The following DYNC2I1 variants were observed in gnomAD, a reference collection of about 807,000 sequenced individuals.
The protein encoded by DYNC2I1 is dynein 2 intermediate chain 1.
Under a neutral mutation model 133.4 loss-of-function variants are expected in DYNC2I1, and 89 were observed. The ratio of observed to expected loss-of-function variants is 0.67; its 90% CI spans 0.56 to 0.80. The LOEUF is 0.80. Ranked by LOEUF, DYNC2I1 falls within the 30% of genes least tolerant of loss-of-function variation. The pLI is 0.00. For missense variants in DYNC2I1, 1,291 were observed against 1,314.5 expected (o/e 0.98, Z 0.28); for synonymous variants, 504 against 484.3 (o/e 1.04, Z -0.54).
In DYNC2I1 at chr7:158,889,873, T is replaced by TGGC. The variant is rs200250627; in HGVS notation, c.991-1391_991-1389dup. ...TACAAAAATTAGCCGGGTGTGGTGG[T>TGGC]GGCCTCCTGTAATCCCAAGCTACTT... On this transcript the variant is annotated intron_variant, in intron 7 of 24. Transcript: ENST00000407559. Among the ~76,000 whole-genome samples the TGGC allele has an allele frequency of 5.6e-3, 846 of 151,908 alleles. 8 individuals are homozygous for TGGC. The highest frequency in any genetic ancestry group is 0.019 in the African/African-American group (796 of 41,412).
At chr7:158,894,325 C>A (rs1224559428) in intron 8 of DYNC2I1, among the ~76,000 whole-genome samples, 2 of 152,124 alleles carry the variant, frequency 1.3e-5, no homozygotes, top group Admixed American at 1.3e-4. Context: ...AGGAAAAAAA[C>A]AAAATCCAAA....
At chr7:158,863,696 TGG>T (rs1842107595) in intron 1 of DYNC2I1, among the ~76,000 whole-genome samples, 1 of 25,478 alleles carries the variant, frequency 3.9e-5, no homozygotes, top group Non-Finnish European at 6.7e-5. Context: ...CCTTAGCTCC[TGG>T]TGTGTGTGGG....
chr7:158,903,794 G>C (rs1172816208), intron 10 of DYNC2I1: 1 of 152,154 alleles, frequency 6.6e-6, no homozygotes, highest in Non-Finnish European at 1.5e-5. Flanking sequence ...ACGCGAGCAG[G>C]ATTTTATTCT....
At chr7:158,855,491 G>GT (rs1318771388), upstream of DYNC2I1, among the ~76,000 whole-genome samples, 1 of 152,226 alleles carries the variant, frequency 6.6e-6, no homozygotes, top group Non-Finnish European at 1.5e-5. Flanking sequence ...CTCCTAAAAC[G>GT]TAATTTCTAA....
At chr7:158,855,905 A>G (rs1361115174), upstream of DYNC2I1, among the ~76,000 whole-genome samples, 1 of 150,998 alleles carries the variant, frequency 6.6e-6, no homozygotes, top group East Asian at 1.9e-4. Flanking sequence ...TAATTTGTTA[A>G]GTGCAAAGCC....
At chr7:158,941,583 G>A (rs557831439) in intron 23 of DYNC2I1, among the ~76,000 whole-genome samples, 2 of 152,028 alleles carry the variant, frequency 1.3e-5, no homozygotes, top group African/African-American at 2.4e-5. Flanking sequence ...ATCAAGTTAC[G>A]AAAAAAACAA....
chr7:158,952,163 G>A (rs1852073845), intron 4 of DYNC2I1, among the ~76,000 whole-genome samples: 2 of 152,108 alleles, frequency 1.3e-5, no homozygotes, highest in African/African-American at 4.8e-5. Flanking sequence ...AGGAGGGCGC[G>A]GTAAACACGC....
chr7:158,932,150 G>A (rs1850280370), intron 21 of DYNC2I1, among the ~76,000 whole-genome samples: 1 of 152,202 alleles, frequency 6.6e-6, no homozygotes, highest in African/African-American at 2.4e-5. Flanking sequence ...TTGCCTGCAG[G>A]GAAGCAGGTC....
At chr7:158,906,740 G>A (rs2129484067) in intron 11 of DYNC2I1, among the ~76,000 whole-genome samples, 1 of 152,320 alleles carries the variant, frequency 6.6e-6, no homozygotes, top group Admixed American at 6.5e-5. Flanking sequence ...TTACAGGCAT[G>A]AGCCAGCATG....
intron 4 of DYNC2I1, among the ~76,000 whole-genome samples, chr7:158,954,195 C>A (rs1478357128): frequency 6.6e-6 from 1 of 152,138 alleles, no homozygotes; most frequent in Non-Finnish European, 1.5e-5. Flanking sequence ...GTGAGGCCTC[C>A]CCAGCCATGT....
intron 23 of DYNC2I1, among the ~76,000 whole-genome samples, chr7:158,941,217 A>G (rs1466290578): frequency 1.3e-5 from 2 of 152,360 alleles, no homozygotes; most frequent in East Asian, 3.9e-4. Context: ...CAAATTGGAA[A>G]ACAAATTTGA....
chr7:158,941,295 T>A (rs948175780), intron 23 of DYNC2I1, among the ~76,000 whole-genome samples: 9 of 152,344 alleles, frequency 5.9e-5, no homozygotes, highest in African/African-American at 2.2e-4. Context: ...TGTAGTTTTT[T>A]AAAAGGTGCC....
At chr7:158,916,343 C>G (rs71546418) in intron 14 of DYNC2I1, among the ~76,000 whole-genome samples, 13 of 45,702 alleles carry the variant, frequency 2.8e-4, no homozygotes, top group South Asian at 2.1e-3. Context: ...CGCTGGTTGA[C>G]ATTAAGGATG....
chr7:158,947,411 T>C (rs1401932593), downstream of DYNC2I1, among the ~76,000 whole-genome samples: 2 of 152,234 alleles, frequency 1.3e-5, no homozygotes, highest in African/African-American at 2.4e-5. Flanking sequence ...TTAGAATGAA[T>C]ATTTGTCCCT....
At chr7:158,929,881 G>A (rs942954061) in intron 20 of DYNC2I1, among the ~76,000 whole-genome samples, 1 of 152,240 alleles carries the variant, frequency 6.6e-6, no homozygotes, top group Non-Finnish European at 1.5e-5. Context: ...AGGAAAGGAA[G>A]AGCAGTCAGG....
chr7:158,920,891 C>T (rs1849004575), intron 15 of DYNC2I1, among the ~76,000 whole-genome samples: 1 of 152,260 alleles, frequency 6.6e-6, no homozygotes, highest in East Asian at 1.9e-4. Context: ...ACTATTAAAA[C>T]ACGCGGCAGA....
chr7:158,915,073 A>G (rs1024429752), intron 14 of DYNC2I1, among the ~76,000 whole-genome samples: 15 of 128,606 alleles, frequency 1.2e-4, no homozygotes, highest in Non-Finnish European at 2.4e-4. Flanking sequence ...ATTAAGGATG[A>G]TTGTGAAACC....
At chr7:158,841,281 A>G in the DYNC2I1 span, among the ~76,000 whole-genome samples, 1 of 146,582 alleles carries the variant, frequency 6.8e-6, no homozygotes, top group Non-Finnish European at 1.5e-5. Context: ...ATCTCAGCTC[A>G]CTGCAACCTC....
intron 15 of DYNC2I1, among the ~76,000 whole-genome samples, chr7:158,920,633 CGTG>C (rs35726948): frequency 0.16 from 24,855 of 152,078 alleles, 2,173 homozygotes; most frequent in African/African-American, 0.2. Flanking sequence ...TTGGGGAACT[CGTG>C]AAGTGTGTGT....
Sources: allele counts gnomAD v4.1 joint callset (sites outside exome capture counted in the v4.1 genomes callset), GRCh38; gene constraint gnomAD v4.1.1; transcripts MANE v1.5; gene names NCBI Gene and HGNC (gene_info 2026-07-23, HGNC 2026-07-21).